The following C9orf78 variants were observed in gnomAD, a reference collection of about 807,000 sequenced individuals.
C9orf78 encodes chromosome 9 open reading frame 78.
In C9orf78, 19 loss-of-function variants were observed where a neutral mutation model predicts 37.4. The ratio of observed to expected loss-of-function variants is 0.51; its 90% CI spans 0.35 to 0.74. The LOEUF is 0.74. C9orf78 is among the 30% of genes least tolerant of loss of function. C9orf78 has a pLI of 0.01. For synonymous variants in C9orf78, 130 were observed against 128.0 expected, an observed-to-expected ratio of 1.02 and a Z score of -0.10; for missense variants, 291 against 370.8, an observed-to-expected ratio of 0.78 and a Z score of 1.77.
At chr9:129,829,076 G>A in intron 8 of C9orf78, 129 bp downstream of exon 8, 1 of 722,504 alleles carries the variant, frequency 1.4e-6, no homozygotes, top group Middle Eastern at 2.3e-4. Context: ...ATGGTCCAGA[G>A]CATGGACTGG....
At position 129,833,637 on chromosome 9, in the gene C9orf78, A is replaced by C. The variant is rs201751948; in HGVS notation, c.195+21T>G. On this transcript the variant is annotated intron_variant, in intron 3 of 8. Transcript: ENST00000372447. ...GCAGGGAGGGCTGCCATAACTACTCAGGGAAGACCCCATAACTTACCACTA... is the reference window on the plus strand; with the variant it reads ...GCAGGGAGGGCTGCCATAACTACTCCGGGAAGACCCCATAACTTACCACTA... 3.4e-5 allele frequency: 54 copies of C among 1,585,002 alleles called. No individual in the cohort carries two copies. In the East Asian group the frequency reaches 1.2e-3, roughly 35 times the overall value.
chr9:129,834,620 G>A (rs3814548), intron 2 of C9orf78, 87 bp downstream of exon 2: 167,940 of 894,970 alleles, frequency 0.19, 16,914 homozygotes, highest in East Asian at 0.23. Flanking sequence ...AAAAATCTAC[G>A]TCTGAGGAGA....
intron 2 of C9orf78, chr9:129,834,288 A>C (rs954246990): frequency 5.3e-6 from 1 of 188,916 alleles, no homozygotes; most frequent in Non-Finnish European, 1.1e-5. Flanking sequence ...ACAGATTGGA[A>C]AGAGTATTCA....
intron 6 of C9orf78, chr9:129,830,384 T>G (rs34560496): frequency 0.23 from 38,167 of 163,098 alleles, 4,554 homozygotes; most frequent in Middle Eastern, 0.27. Flanking sequence ...TAAATTTTTT[T>G]GAGAGACAGG....
At chr9:129,833,414 G>C in intron 4 of C9orf78, 33 bp downstream of exon 4, 1 of 1,351,990 alleles carries the variant, frequency 7.4e-7, no homozygotes, top group Non-Finnish European at 1.1e-6. Flanking sequence ...GCCGCTAAAG[G>C]TGAATTTGCA....
intron 4 of C9orf78, among the ~76,000 whole-genome samples, 154 bp downstream of exon 4, chr9:129,833,289 GCTTT>G (rs936834860): frequency 3.3e-5 from 5 of 151,904 alleles, no homozygotes; most frequent in African/African-American, 1.2e-4. Context: ...AAGACTTTTT[GCTTT>G]CTTTGTTTTT....
intron 4 of C9orf78, 113 bp from the exon 5 acceptor site, chr9:129,832,086 T>G (rs996276604): frequency 1.3e-5 from 8 of 599,000 alleles, no homozygotes; most frequent in Admixed American, 1.2e-4. Flanking sequence ...CTATTTACAG[T>G]TGGCAAAAAA....
intron 5 of C9orf78, 61 bp from the exon 6 acceptor site, chr9:129,831,129 A>G: frequency 9.8e-7 from 1 of 1,024,254 alleles, no homozygotes; most frequent in Non-Finnish European, 1.6e-6. Flanking sequence ...GGTGTCCTCT[A>G]AATCAGTGGT....
chr9:129,833,843 C>A (rs762991093), intron 2 of C9orf78, 134 bp from the exon 3 acceptor site: 12 of 662,648 alleles, frequency 1.8e-5, no homozygotes, highest in Non-Finnish European at 3.2e-5. Flanking sequence ...GTAGGCAAGC[C>A]GGCTGGAAAA....
intron 3 of C9orf78, 51 bp from the exon 4 acceptor site, chr9:129,833,568 G>C (rs1238736376): frequency 6.8e-7 from 1 of 1,479,478 alleles, no homozygotes; most frequent in Admixed American, 1.7e-5. Flanking sequence ...CATGGTAGTG[G>C]AATTTTTTTT....
At position 129,831,919 on chromosome 9, in the gene C9orf78, G is replaced by T; in HGVS notation, c.321C>A (p.Asn107Lys). The change falls in exon 5 of 9, where the codon AAC (asparagine) becomes AAA (lysine). Residue 107 changes from asparagine (N) to lysine (K), a missense_variant. By Grantham distance (94) the Asn-to-Lys change is moderately conservative (BLOSUM62 0). Transcript: ENST00000372447. ...ACATGTCTGCATCCTCATCCCTTCG[G>T]TTGGTTTCTGCAGAAAACGATGTCC... The part of the protein sequence containing the change: ...HLGTSFSAET[N>K]RRDEDADMMK... The T allele has an allele frequency of 6.3e-7, 1 of 1,590,270 alleles. No homozygotes were observed. The highest frequency in any genetic ancestry group is 8.6e-7 in the Non-Finnish European group (1 of 1,158,330).
chr9:129,830,410 C>G (rs1195419384), intron 6 of C9orf78: 1 of 173,944 alleles, frequency 5.7e-6, no homozygotes, highest in Non-Finnish European at 1.2e-5. Flanking sequence ...GACTATATTT[C>G]TCAGGCTGAT....
chr9:129,834,817 G>C lies in C9orf78; in HGVS notation c.84-51C>G, dbSNP rs183155719. On this transcript the variant is annotated intron_variant, in intron 1 of 8. Coordinates refer to ENST00000372447, the MANE Select transcript of C9orf78 (RefSeq NM_016520.3). ...TGCATAAGCTGAGTGATTCCCCGCGGAATCCAAAGCTAACAGAGCCAATAA... is the reference window on the plus strand; with the variant it reads ...TGCATAAGCTGAGTGATTCCCCGCGCAATCCAAAGCTAACAGAGCCAATAA... 2.3e-4 allele frequency: 326 copies of C among 1,432,518 alleles called. 2 individuals are homozygous for C. The highest frequency in any genetic ancestry group is 9.3e-5 in the Non-Finnish European group (95 of 1,021,428). The allele number at this position is 1,432,518 out of a possible 1,614,324, so 88.7% of individuals were successfully genotyped here.
In C9orf78 at chr9:129,835,191, G is replaced by A. The variant is rs761344335; in HGVS notation, c.31C>T (p.Arg11Cys). 16 of 1,610,482 alleles carry A rather than the reference G, an allele frequency of 9.9e-6. No homozygotes were observed. In the East Asian group the frequency reaches 3.2e-4, roughly 32 times the overall value. The part of the protein sequence containing the change: MPVVRKIFRR[R>C]RGDSESEEDE... ...TCCTCTGACTCCGAGTCGCCCCGGC[G>A]GCGACGGAAAATCTTCCGGACGACC... Residue 11 changes from arginine (R) to cysteine (C), a missense_variant, in exon 1 of 9, where the codon CGC becomes TGC. By Grantham distance (180) the Arg-to-Cys change is radical. Around this residue, in one of 3 missense-constraint regions of C9orf78, gnomAD observed 158 missense variants for 174.8 expected, o/e 0.90. Coordinates refer to ENST00000372447, the MANE Select transcript of C9orf78 (RefSeq NM_016520.3).
chr9:129,834,447 T>C, intron 2 of C9orf78: 1 of 464,204 alleles, frequency 2.2e-6, no homozygotes. Flanking sequence ...GATATGCATT[T>C]CACAATTAAT....
chr9:129,833,830 T>C lies in C9orf78; in HGVS notation c.144-121A>G. On this transcript the variant is annotated intron_variant, in intron 2 of 8. Coordinates refer to ENST00000372447, the MANE Select transcript of C9orf78 (RefSeq NM_016520.3). The stretch of plus-strand genomic sequence containing the variant: ...TAGTGCAAGGGTGGGATTTGAGGGG[T>C]GGGTAGGCAAGCCGGCTGGAAAAGC... The C allele has an allele frequency of 6.3e-6, 4 of 639,976 alleles. No homozygotes were observed. In the East Asian group the frequency reaches 1.2e-4, roughly 19 times the overall value. The allele number at this position is 639,976 out of a possible 1,614,324, so 39.6% of individuals were successfully genotyped here.
intron 5 of C9orf78, 144 bp from the exon 6 acceptor site, chr9:129,831,212 CAA>C (rs2031488338): frequency 1.6e-6 from 1 of 635,180 alleles, no homozygotes; most frequent in Admixed American, 2.7e-5. Context: ...GTTTTTTCAT[CAA>C]GTTAGAAATT....
chr9:129,831,980 G>T lies in C9orf78; in HGVS notation c.267-7C>A. 1 of 1,444,638 alleles carries T rather than the reference G, an allele frequency of 6.9e-7. No individual in the cohort carries two copies. Among genetic ancestry groups the T allele is most frequent in the Non-Finnish European group, 9.8e-7 (1 of 1,025,498 alleles). 89.5% of individuals were successfully genotyped at this position (1,444,638 alleles called of 1,614,324 possible). On this transcript the variant is annotated splice_polypyrimidine_tract_variant and splice_region_variant and intron_variant, in intron 4 of 8. Transcript: ENST00000372447. Reference sequence around the variant, plus strand: ...GTCCTCCTCCTCACTGATCCTGGAGGGAGAGAACAATGAGGCAGAGCTTTC... The same window carrying T: ...GTCCTCCTCCTCACTGATCCTGGAGTGAGAGAACAATGAGGCAGAGCTTTC...
chr9:129,833,820 A>T, intron 2 of C9orf78, 111 bp from the exon 3 acceptor site: 326 of 622,276 alleles, frequency 5.2e-4, no homozygotes, highest in Middle Eastern at 1.4e-3. Flanking sequence ...CAAGGGTGGG[A>T]TTTGAGGGGT....
Sources: gnomAD v4.1 joint callset for allele counts (sites outside exome capture counted in the v4.1 genomes callset) on GRCh38, gnomAD v4.1.1 for gene constraint, gnomAD v4.1.1 regional missense constraint, MANE v1.5 for transcripts, NCBI Gene and HGNC (gene_info 2026-07-23, HGNC 2026-07-21) for gene names.